CCDC47: variants seen among roughly 807,000 people sequenced by gnomAD.
The protein encoded by CCDC47 is PAT complex subunit CCDC47.
In CCDC47, 41 loss-of-function variants were observed where a neutral mutation model predicts 60.5. The observed-to-expected ratio is 0.68, with a 90% CI of 0.53 to 0.88. CCDC47 has a LOEUF of 0.88. Ranked by LOEUF, CCDC47 falls within the 40% of genes least tolerant of loss-of-function variation. CCDC47 has a pLI of 0.00. For synonymous variants in CCDC47, 195 were observed against 190.7 expected (o/e 1.02, Z -0.18); for missense variants, 513 against 580.9 (o/e 0.88, Z 1.20).
At chr17:63,757,190 A>G in intron 6 of CCDC47, among the ~76,000 whole-genome samples, 1 of 135,638 alleles carries the variant, frequency 7.4e-6, no homozygotes, top group Non-Finnish European at 1.6e-5. Flanking sequence ...ATGGGACCCC[A>G]TCTGTACAAA....
At chr17:63,764,301 C>A in intron 3 of CCDC47, 111 bp from the exon 4 acceptor site, 1 of 781,788 alleles carries the variant, frequency 1.3e-6, no homozygotes, top group Non-Finnish European at 2.0e-6. Context: ...CTTCAGATAT[C>A]TGTCATTGAA....
At chr17:63,766,223 A>G (rs979513525) in intron 1 of CCDC47, 29 bp from the exon 2 acceptor site, 1 of 1,571,404 alleles carries the variant, frequency 6.4e-7, no homozygotes, top group Non-Finnish European at 8.6e-7. Context: ...CCCAAAATGG[A>G]TTGCCATTCT....
intron 12 of CCDC47, chr17:63,747,440 T>C (rs2039129219): frequency 1.0e-6 from 1 of 983,432 alleles, no homozygotes; most frequent in Admixed American, 6.1e-5. Context: ...ACATAATACT[T>C]AAATTCATAA....
At chr17:63,773,150 G>C (rs1031040038) in intron 1 of CCDC47, among the ~76,000 whole-genome samples, 1 of 152,200 alleles carries the variant, frequency 6.6e-6, no homozygotes, top group Non-Finnish European at 1.5e-5. Flanking sequence ...TGGCCACAGA[G>C]GTTTTTGCTT....
chr17:63,747,450 A>T, intron 12 of CCDC47: 1 of 983,022 alleles, frequency 1.0e-6, no homozygotes, highest in South Asian at 4.7e-5. Flanking sequence ...TAAATTCATA[A>T]TGCTCTATTT....
chr17:63,751,817 A>T, intron 12 of CCDC47, 123 bp downstream of exon 12: 1 of 963,360 alleles, frequency 1.0e-6, no homozygotes, highest in African/African-American at 1.7e-5. Context: ...CAATTGATAC[A>T]ATGTCCCAAA....
At chr17:63,764,919 C>A in intron 2 of CCDC47, 72 bp from the exon 3 acceptor site, 2 of 1,550,554 alleles carry the variant, frequency 1.3e-6, no homozygotes, top group Non-Finnish European at 1.7e-6. Flanking sequence ...TTGTTGGCAA[C>A]ATTTGTTGGG....
At chr17:63,771,008 GAAA>G (rs2039334907) in intron 1 of CCDC47, among the ~76,000 whole-genome samples, 3 of 116,026 alleles carry the variant, frequency 2.6e-5, no homozygotes, top group African/African-American at 9.7e-5. Flanking sequence ...AAGAAAGAAA[GAAA>G]GAAAGGAAGG....
chr17:63,769,596 AGAGT>A, intron 1 of CCDC47, among the ~76,000 whole-genome samples: 1 of 148,610 alleles, frequency 6.7e-6, no homozygotes, highest in South Asian at 2.2e-4. Flanking sequence ...CTGGGCAACA[AGAGT>A]GAAACTCCAT....
chr17:63,772,240 T>C (rs892816199), intron 1 of CCDC47, among the ~76,000 whole-genome samples: 7 of 148,836 alleles, frequency 4.7e-5, no homozygotes, highest in African/African-American at 1.7e-4. Flanking sequence ...ACGGGAGATA[T>C]GTACCAAGGG....
At chr17:63,747,342 A>T in intron 12 of CCDC47, 1 of 983,856 alleles carries the variant, frequency 1.0e-6, no homozygotes, top group Non-Finnish European at 1.2e-6. Context: ...CAGAAGATAC[A>T]TTCTACTTCA....
intron 9 of CCDC47, chr17:63,753,530 T>G (rs1355842010): frequency 1.1e-5 from 6 of 550,278 alleles, no homozygotes; most frequent in Non-Finnish European, 1.4e-5. Context: ...AACTAAAAAT[T>G]TAGTCAGAAC....
intron 12 of CCDC47, chr17:63,747,215 A>G (rs2039126857): frequency 1.0e-6 from 1 of 984,548 alleles, no homozygotes; most frequent in Admixed American, 6.2e-5. Flanking sequence ...GAAAGAAACT[A>G]CTATAATTAA....
intron 4 of CCDC47, chr17:63,761,877 G>T: frequency 2.4e-6 from 2 of 833,796 alleles, no homozygotes; most frequent in Non-Finnish European, 2.9e-6. Flanking sequence ...AAGAAATATG[G>T]ATTCTAAGCA....
chr17:63,765,667 C>T (rs2039292698), intron 2 of CCDC47: 2 of 1,277,350 alleles, frequency 1.6e-6, no homozygotes, highest in Non-Finnish European at 2.0e-6. Flanking sequence ...TAATACAATT[C>T]TCACCCACAA....
rs776953163 is a variant in CCDC47 at position 63,761,352 on chromosome 17, C to G, written c.548-1G>C. 2.5e-6 allele frequency: 4 copies of G among 1,613,764 alleles called. No homozygotes were observed. Among genetic ancestry groups the G allele is most frequent in the Admixed American group, 1.7e-5 (1 of 59,968 alleles). The stretch of plus-strand genomic sequence containing the variant: ...GCTTCTTTGTTAGTTCCATCATCCC[C>G]TAGGGGTAAAACCACTTAATGTGAC... On this transcript the variant is annotated splice_acceptor_variant, in intron 4 of 12. Transcript: ENST00000225726. LOFTEE classifies it high-confidence loss of function.
At chr17:63,772,513 A>C (rs1180780525) in intron 1 of CCDC47, among the ~76,000 whole-genome samples, 1 of 152,020 alleles carries the variant, frequency 6.6e-6, no homozygotes, top group Non-Finnish European at 1.5e-5. Flanking sequence ...TCGGCCTCCC[A>C]AAGTGCTGGG....
intron 12 of CCDC47, among the ~76,000 whole-genome samples, chr17:63,748,455 G>A (rs917457031): frequency 5.3e-5 from 8 of 150,588 alleles, no homozygotes; most frequent in Admixed American, 1.3e-4. Flanking sequence ...GTGGAGTTTC[G>A]CTCTTGTTCC....
intron 3 of CCDC47, among the ~76,000 whole-genome samples, chr17:63,764,451 A>G (rs1027561003): frequency 1.3e-5 from 2 of 152,216 alleles, no homozygotes; most frequent in Non-Finnish European, 2.9e-5. Context: ...CTTAACCCCC[A>G]AATAAATTCA....
Sources: gnomAD v4.1 joint callset for allele counts (sites outside exome capture counted in the v4.1 genomes callset) on GRCh38, gnomAD v4.1.1 for gene constraint, MANE v1.5 for transcripts, NCBI Gene and HGNC (gene_info 2026-07-23, HGNC 2026-07-21) for gene names.